Variants in INCENP observed in about 807,000 individuals in gnomAD.
INCENP encodes the protein inner centromere protein, also known as binds and activates aurora-B and -C in vivo and in vitro.
A neutral mutation model predicts 107.3 loss-of-function variants in INCENP; 43 were observed. That is an observed-to-expected ratio of 0.40 (90% CI 0.31 to 0.52). The LOEUF (loss-of-function observed/expected upper bound fraction) is 0.52, where lower values mean the gene tolerates loss of function less well. Among genes scored for constraint, INCENP ranks in the 20% least tolerant of loss-of-function variants. The pLI is 0.53. For synonymous variants in INCENP, 488 were observed against 494.4 expected (o/e 0.99, Z 0.17); for missense variants, 1,089 against 1,250.9 (o/e 0.87, Z 1.95).
intron 14 of INCENP, 131 bp from the exon 15 acceptor site, chr11:62,146,527 C>T (rs1254364946): frequency 5.2e-5 from 71 of 1,364,384 alleles, no homozygotes; most frequent in Non-Finnish European, 6.2e-5. Flanking sequence ...GGATGTCCCA[C>T]GGCGCCATTC....
At chr11:62,137,644 A>G (rs1405052101) in intron 4 of INCENP, among the ~76,000 whole-genome samples, 188 bp from the exon 5 acceptor site, 1 of 152,116 alleles carries the variant, frequency 6.6e-6, no homozygotes, top group Non-Finnish European at 1.5e-5. Flanking sequence ...CGGGGACATG[A>G]AGCCAGCAGC....
At chr11:62,139,134 C>G in intron 7 of INCENP, 129 bp downstream of exon 7, 1 of 673,540 alleles carries the variant, frequency 1.5e-6, no homozygotes, top group Admixed American at 2.3e-5. Context: ...AGAAATTAAA[C>G]CTGGGGGTGC....
At chr11:62,139,277 A>G (rs560162130) in intron 7 of INCENP, among the ~76,000 whole-genome samples, 52 of 152,250 alleles carry the variant, frequency 3.4e-4, no homozygotes, top group Middle Eastern at 3.4e-3. Context: ...ATGGATATGA[A>G]GAGGCCAGGT....
chr11:62,138,804 C>T (rs1197978039), intron 6 of INCENP, 34 bp downstream of exon 6: 1 of 1,611,146 alleles, frequency 6.2e-7, no homozygotes, highest in Non-Finnish European at 8.5e-7. Context: ...GAGGACTCAC[C>T]TCTGGGGCTC....
In INCENP at chr11:62,129,779, C is replaced by T. The variant is rs936152629; in HGVS notation, c.255-3C>T. 2.5e-6 allele frequency: 4 copies of T among 1,600,666 alleles called. No homozygotes were observed. The African/African-American group carries it at 5.3e-5, about 21-fold the overall frequency. On this transcript the variant is annotated splice_region_variant and splice_polypyrimidine_tract_variant and intron_variant, in intron 3 of 18. Coordinates refer to ENST00000394818, the MANE Select transcript of INCENP (RefSeq NM_001040694.2). ...TCAGCCTCTGCCCTGCTGCCCCTGC[C>T]AGGTTATCCCGCAGAAAGTCTCGGA...
At chr11:62,144,878 C>T in intron 11 of INCENP, 104 bp from the exon 12 acceptor site, 1 of 1,002,768 alleles carries the variant, frequency 1.0e-6, no homozygotes, top group Non-Finnish European at 1.6e-6. Context: ...CTGATGCTGC[C>T]ACCCACGTGG....
chr11:62,141,718 GC>G, intron 11 of INCENP: 1 of 680,002 alleles, frequency 1.5e-6, no homozygotes, highest in South Asian at 1.7e-5. Context: ...TGCCCTCCCT[GC>G]CCTTGACTCT....
intron 11 of INCENP, 40 bp from the exon 12 acceptor site, chr11:62,144,942 C>A: frequency 6.4e-7 from 1 of 1,556,798 alleles, no homozygotes; most frequent in Non-Finnish European, 8.8e-7. Context: ...GGGGGTCGTC[C>A]TTGCTCATGT....
In INCENP at chr11:62,145,215, G is replaced by A. The variant is rs369345948; in HGVS notation, c.1762G>A (p.Val588Met). The A allele has an allele frequency of 2.5e-6, 4 of 1,614,022 alleles. No individual in the cohort carries two copies. In the African/African-American group the frequency reaches 4.0e-5, roughly 16 times the overall value. The part of the protein sequence containing the change: ...LRKVLQARER[V>M]EQMKEEKKKQ... ...CAAGGTGCTGCAGGCCCGCGAGCGG[G>A]TGGAGCAGATGAAGGAGGAGAAGAA... Residue 588 changes from valine to methionine, a missense_variant, in exon 13 of 19, where the codon GTG (valine) becomes ATG (methionine). Coordinates refer to ENST00000394818, the MANE Select transcript of INCENP (RefSeq NM_001040694.2).
intron 1 of INCENP, among the ~76,000 whole-genome samples, chr11:62,127,319 C>T (rs902008755): frequency 3.9e-5 from 6 of 152,278 alleles, no homozygotes; most frequent in Non-Finnish European, 5.9e-5. Flanking sequence ...CGGGTGTGAA[C>T]CACTGCACCC....
chr11:62,130,278 GGGC>G lies in INCENP; in HGVS notation c.754_756del (p.Arg252del), dbSNP rs774172695. ...CCCCAAGGGTCAAGGGGTCGGGACG[GGGC>G]GGTCTGCGTCTAAGCTCAGGATTGC... On this transcript the variant is annotated inframe_deletion, in exon 4 of 19. Coordinates refer to ENST00000394818, the MANE Select transcript of INCENP (RefSeq NM_001040694.2). The G allele has an allele frequency of 1.2e-6, 2 of 1,612,694 alleles. No homozygotes were observed. The highest frequency in any genetic ancestry group is 2.2e-5 in the South Asian group (2 of 91,084).
rs1388018149 is a variant in INCENP at position 62,152,024 on chromosome 11, T to C, written c.*48T>C. On this transcript the variant is annotated 3_prime_UTR_variant, in exon 19 of 19. Transcript: ENST00000394818. ...CAGCCTCGCCTCCTGTCCATGTCTA[T>C]CTGTCTGTCTGTCGGTCTCTGTCTT... 7.2e-7 allele frequency: 1 copy of C among 1,386,748 alleles called. No homozygotes were observed. Among genetic ancestry groups the C allele is most frequent in the South Asian group, 1.2e-5 (1 of 83,776 alleles). The allele number at this position is 1,386,748 out of a possible 1,614,324, so 85.9% of individuals were successfully genotyped here.
chr11:62,141,432 T>C, intron 10 of INCENP, 68 bp from the exon 11 acceptor site: 1 of 1,600,460 alleles, frequency 6.2e-7, no homozygotes. Context: ...GCTGGGCATG[T>C]GGCCTGCCCG....
At chr11:62,133,316 G>GA (rs1420151084) in intron 4 of INCENP, among the ~76,000 whole-genome samples, 2 of 152,158 alleles carry the variant, frequency 1.3e-5, no homozygotes, top group East Asian at 1.9e-4. Context: ...AATGAGATAG[G>GA]AAAAAAAGCC....
In INCENP at chr11:62,152,958, A is replaced by G. The variant is rs890728523; in HGVS notation, c.*982A>G. 1 of 152,258 alleles carries G rather than the reference A, an allele frequency of 6.6e-6. No individual in the cohort carries two copies. The highest frequency in any genetic ancestry group is 2.4e-5 in the African/African-American group (1 of 41,472). 9.4% of individuals were successfully genotyped at this position (152,258 alleles called of 1,614,324 possible). A position where few individuals can be genotyped will look rare whatever the true frequency, so the allele number is the denominator to read the frequency against. ...AAACTATGGCCTGTGGGCCAAATCCAGCCACAGTCGGTTCTTTAAAGTTTT... is the reference window on the plus strand; with the variant it reads ...AAACTATGGCCTGTGGGCCAAATCCGGCCACAGTCGGTTCTTTAAAGTTTT... On this transcript the variant is annotated 3_prime_UTR_variant, in exon 19 of 19. Transcript: ENST00000394818.
intron 1 of INCENP, among the ~76,000 whole-genome samples, chr11:62,125,552 A>C (rs982389128): frequency 6.6e-6 from 1 of 152,236 alleles, no homozygotes. Flanking sequence ...TTTCAGCCCA[A>C]AGCCTGTACG....
At chr11:62,137,810 G>T (rs1565095817) in intron 4 of INCENP, 22 bp from the exon 5 acceptor site, 1 of 1,613,208 alleles carries the variant, frequency 6.2e-7, no homozygotes, top group Non-Finnish European at 8.5e-7. Flanking sequence ...GAGATCTTTT[G>T]TGCCTTTCTT....
intron 4 of INCENP, among the ~76,000 whole-genome samples, chr11:62,134,777 C>T (rs1199387113): frequency 1.3e-5 from 2 of 152,094 alleles, no homozygotes; most frequent in African/African-American, 2.4e-5. Context: ...ACTGGACGGG[C>T]GAGGTGGCTC....
chr11:62,141,739 A>G (rs946240495), intron 11 of INCENP: 2 of 624,730 alleles, frequency 3.2e-6, no homozygotes, highest in East Asian at 2.8e-5. Context: ...TGCTCTTAGG[A>G]GGAAGCAAGG....
Sources: allele counts gnomAD v4.1 joint callset (sites outside exome capture counted in the v4.1 genomes callset), GRCh38; gene constraint gnomAD v4.1.1; transcripts MANE v1.5; gene names NCBI Gene and HGNC (gene_info 2026-07-23, HGNC 2026-07-21).